TBC1D30: variants seen among roughly 807,000 people sequenced by gnomAD.
TBC1D30 encodes TBC1 domain family member 30, also known as TBC1 domain family, member 30.
TBC1D30 carries 31 observed loss-of-function variants against 63.2 expected under a neutral mutation model. The ratio of observed to expected loss-of-function variants is 0.49; its 90% CI spans 0.37 to 0.66. The LOEUF (loss-of-function observed/expected upper bound fraction) is 0.66, where lower values mean the gene tolerates loss of function less well. Among genes scored for constraint, TBC1D30 ranks in the 30% least tolerant of loss-of-function variants. The probability of loss-of-function intolerance (pLI) is 0.00; values close to 1 mark genes in which losing one functional copy is unlikely to be tolerated. For synonymous variants in TBC1D30, 307 were observed against 361.5 expected (o/e 0.85, Z 1.71); for missense variants, 810 against 953.6 (o/e 0.85, Z 1.98).
At chr12:64,846,290 T>C (rs3965289) in intron 8 of TBC1D30, among the ~76,000 whole-genome samples, 1 of 152,246 alleles carries the variant, frequency 6.6e-6, no homozygotes. Context: ...CAATGTTTTG[T>C]AGAGTTTTTC....
intron 10 of TBC1D30, 66 bp from the exon 11 acceptor site, chr12:64,870,536 T>A (rs972666211): frequency 7.9e-5 from 104 of 1,320,790 alleles, no homozygotes; most frequent in Non-Finnish European, 1.2e-5. Flanking sequence ...TGTAGTGTTA[T>A]CAATTTCCAT....
At chr12:64,820,160 TAAAC>T (rs926580376), upstream of TBC1D30, among the ~76,000 whole-genome samples, 11 of 152,208 alleles carry the variant, frequency 7.2e-5, no homozygotes, top group African/African-American at 2.2e-4. Flanking sequence ...ACTTTACTGT[TAAAC>T]AAAAAAAATA....
At chr12:64,787,880 A>G (rs2136298578) in intron 2 of TBC1D30, among the ~76,000 whole-genome samples, 1 of 152,318 alleles carries the variant, frequency 6.6e-6, no homozygotes, top group Admixed American at 6.5e-5. Flanking sequence ...TACTAAAAAT[A>G]TAAAAATTAG....
chr12:64,785,786 A>G, intron 1 of TBC1D30: 1 of 1,030,750 alleles, frequency 9.7e-7, no homozygotes, highest in Non-Finnish European at 1.3e-6. Context: ...AGTTGGTTTA[A>G]ATGGATGTTC....
intron 2 of TBC1D30, among the ~76,000 whole-genome samples, chr12:64,815,667 AT>A (rs1479361843): frequency 6.6e-6 from 1 of 152,214 alleles, no homozygotes; most frequent in Non-Finnish European, 1.5e-5. Context: ...GCATAAATAT[AT>A]TTTTTAAACT....
intron 7 of TBC1D30, among the ~76,000 whole-genome samples, chr12:64,839,080 CTTGTGT>C (rs1441748683): frequency 6.6e-6 from 1 of 152,216 alleles, no homozygotes; most frequent in Non-Finnish European, 1.5e-5. Flanking sequence ...TCCTCAAGTG[CTTGTGT>C]CCTGGCTGGT....
At chr12:64,763,756 A>G (rs1870607351) in intron 1 of TBC1D30, among the ~76,000 whole-genome samples, 2 of 151,924 alleles carry the variant, frequency 1.3e-5, no homozygotes, top group African/African-American at 2.4e-5. Flanking sequence ...TTACAGGTGT[A>G]CACCACCACA....
At chr12:64,785,793 G>A in intron 1 of TBC1D30, 1 of 1,074,798 alleles carries the variant, frequency 9.3e-7, no homozygotes, top group Non-Finnish European at 1.2e-6. Flanking sequence ...TTAAATGGAT[G>A]TTCTATTTAT....
intron 8 of TBC1D30, among the ~76,000 whole-genome samples, chr12:64,848,123 A>T (rs1407542022): frequency 6.6e-6 from 1 of 151,880 alleles, no homozygotes; most frequent in Non-Finnish European, 1.5e-5. Flanking sequence ...TGACCCCTTT[A>T]TCATTACATA....
intron 8 of TBC1D30, among the ~76,000 whole-genome samples, chr12:64,860,665 G>A (rs1413926025): frequency 6.6e-6 from 1 of 152,118 alleles, no homozygotes; most frequent in Non-Finnish European, 1.5e-5. Flanking sequence ...TTTGGCCCAT[G>A]GGTGGTTCTG....
rs1349243261 is a variant in TBC1D30 at position 64,832,111 on chromosome 12, C to G, written c.409-8C>G. On this transcript the variant is annotated splice_polypyrimidine_tract_variant and splice_region_variant and intron_variant, in intron 4 of 11. Coordinates refer to ENST00000539867, the MANE Select transcript of TBC1D30 (RefSeq NM_015279.2). ...TATTTTTGAAAATATTGTTTCCCTT[C>G]CATTTAGGACCTTCACCGCACAGGC... is the stretch of plus-strand genomic sequence containing the variant. The G allele has an allele frequency of 1.3e-6, 2 of 1,511,468 alleles. No individual in the cohort carries two copies. Among genetic ancestry groups the G allele is most frequent in the Non-Finnish European group, 1.8e-6 (2 of 1,131,152 alleles). The allele number at this position is 1,511,468 out of a possible 1,614,324, so 93.6% of individuals were successfully genotyped here. A position where few individuals can be genotyped will look rare whatever the true frequency, so the allele number is the denominator to read the frequency against.
intron 8 of TBC1D30, among the ~76,000 whole-genome samples, chr12:64,855,651 G>A (rs950516167): frequency 2.0e-5 from 3 of 152,096 alleles, no homozygotes; most frequent in African/African-American, 7.2e-5. Context: ...CATTTTTCAA[G>A]TCCATAATTT....
chr12:64,805,254 AC>A (rs1452158242), intron 2 of TBC1D30, among the ~76,000 whole-genome samples: 1 of 152,208 alleles, frequency 6.6e-6, no homozygotes, highest in Non-Finnish European at 1.5e-5. Flanking sequence ...TTGAGGTCCC[AC>A]ATTAAGGTCT....
In TBC1D30 at chr12:64,824,811, C is replaced by G. The variant is rs1460618584; in HGVS notation, c.-69C>G. 6.7e-7 allele frequency: 1 copy of G among 1,491,274 alleles called. No individual in the cohort carries two copies. The highest frequency in any genetic ancestry group is 8.9e-7 in the Non-Finnish European group (1 of 1,122,206). 92.4% of individuals were successfully genotyped at this position (1,491,274 alleles called of 1,614,324 possible). On this transcript the variant is annotated 5_prime_UTR_variant, in exon 1 of 12. Transcript: ENST00000539867. ...CACTCACCCAGCTCCGCGAGCTCAG[C>G]CGCTCAGCGAGTGGGGTAGCGGGGA...
At position 64,834,404 on chromosome 12, in the gene TBC1D30, C is replaced by CTTT. The variant is rs34733475; in HGVS notation, c.595-2068_595-2066dup. Among the ~76,000 whole-genome samples the CTTT allele has an allele frequency of 3.6e-4, 43 of 120,294 alleles. 1 individual carries two copies. The highest frequency in any genetic ancestry group is 5.0e-4 in the East Asian group (2 of 3,988). The allele number at this position is 120,294 out of a possible 152,430, so 78.9% of individuals were successfully genotyped here. A position where few individuals can be genotyped will look rare whatever the true frequency, so the allele number is the denominator to read the frequency against. On this transcript the variant is annotated intron_variant, in intron 5 of 11. Coordinates refer to ENST00000539867, the MANE Select transcript of TBC1D30 (RefSeq NM_015279.2). ...GAGCTCTCCCATTATTTAGCCAAATCTTTTTTTTTTTTTTTTTTTTGAGAT... is the reference window on the plus strand; with the variant it reads ...GAGCTCTCCCATTATTTAGCCAAATCTTTTTTTTTTTTTTTTTTTTTTTGAGAT...
chr12:64,847,100 A>G (rs1208679448), intron 8 of TBC1D30, among the ~76,000 whole-genome samples: 3 of 151,242 alleles, frequency 2.0e-5, no homozygotes, highest in Non-Finnish European at 4.4e-5. Context: ...GGATTCCTTC[A>G]TTTTTCAATC....
intron 8 of TBC1D30, among the ~76,000 whole-genome samples, chr12:64,850,648 T>G (rs753986622): frequency 2.4e-4 from 37 of 152,180 alleles, no homozygotes; most frequent in Non-Finnish European, 2.9e-5. Context: ...TGGGTAAGCT[T>G]TTTGATGTGC....
intron 2 of TBC1D30, among the ~76,000 whole-genome samples, chr12:64,801,639 T>G (rs2136316974): frequency 6.6e-6 from 1 of 152,302 alleles, no homozygotes; most frequent in Admixed American, 6.5e-5. Context: ...CCTTCCTAGC[T>G]AGATTAAAAG....
Position 64,836,557 on chromosome 12 carries a change from CTG to C in TBC1D30, c.665_666del (p.Val222GlyfsTer36). On this transcript the variant is annotated frameshift_variant, in exon 6 of 12. Transcript: ENST00000539867. LOFTEE classifies it high-confidence loss of function. Reference sequence around the variant, plus strand: ...TTCGTCAATAATCTCCGGGCATTGTCTGTGGATATGGCTGTCTTCAGAGACCT... The same window carrying C: ...TTCGTCAATAATCTCCGGGCATTGTCTGGATATGGCTGTCTTCAGAGACCT... The C allele has an allele frequency of 6.5e-7, 1 of 1,535,944 alleles. No individual in the cohort carries two copies. Among genetic ancestry groups the C allele is most frequent in the Non-Finnish European group, 8.7e-7 (1 of 1,146,848 alleles).
Sources: allele counts gnomAD v4.1 joint callset (sites outside exome capture counted in the v4.1 genomes callset), GRCh38; gene constraint gnomAD v4.1.1; transcripts MANE v1.5; gene names NCBI Gene and HGNC (gene_info 2026-07-23, HGNC 2026-07-21).